KHDRBS3: variants seen among roughly 807,000 people sequenced by gnomAD.
KHDRBS3 encodes KH domain-containing, RNA-binding, signal transduction-associated protein 3.
Under a neutral mutation model 45.6 loss-of-function variants are expected in KHDRBS3, and 23 were observed. The observed-to-expected ratio is 0.50, with a 90% CI of 0.36 to 0.72. KHDRBS3 has a LOEUF of 0.72. Among genes scored for constraint, KHDRBS3 ranks in the 30% least tolerant of loss-of-function variants. The probability of loss-of-function intolerance (pLI) is 0.00; values close to 1 mark genes in which losing one functional copy is unlikely to be tolerated. For missense variants in KHDRBS3, 352 were observed against 424.8 expected (o/e 0.83, Z 1.51); for synonymous variants, 162 against 156.5 (o/e 1.04, Z -0.26).
chr8:135,649,854 C>T (rs528161385), downstream of KHDRBS3, among the ~76,000 whole-genome samples: 22 of 152,206 alleles, frequency 1.4e-4, no homozygotes, highest in African/African-American at 5.1e-4. Context: ...GCTTCCATAG[C>T]TTTATCAGAC....
chr8:135,499,255 A>G (rs1186061056), intron 1 of KHDRBS3, among the ~76,000 whole-genome samples: 1 of 152,126 alleles, frequency 6.6e-6, no homozygotes, highest in Non-Finnish European at 1.5e-5. Flanking sequence ...CATTGTTTGT[A>G]TTTGTTTTCT....
intron 5 of KHDRBS3, among the ~76,000 whole-genome samples, chr8:135,573,400 A>G (rs1827799462): frequency 6.6e-6 from 1 of 152,226 alleles, no homozygotes; most frequent in African/African-American, 2.4e-5. Context: ...TCCTTCCCTT[A>G]TCTTTCACTA....
At chr8:135,488,457 C>T (rs146364318) in intron 1 of KHDRBS3, among the ~76,000 whole-genome samples, 164 of 151,990 alleles carry the variant, frequency 1.1e-3, no homozygotes, top group African/African-American at 3.7e-3. Flanking sequence ...GTTTGCAGAC[C>T]GACTTCAGAT....
intron 5 of KHDRBS3, among the ~76,000 whole-genome samples, chr8:135,569,025 G>A (rs1033132978): frequency 6.6e-6 from 1 of 151,850 alleles, no homozygotes; most frequent in African/African-American, 2.4e-5. Context: ...AAACAATGGT[G>A]TCTTCTAAAT....
At chr8:135,608,091 A>G (rs1829547858) in intron 7 of KHDRBS3, among the ~76,000 whole-genome samples, 1 of 152,146 alleles carries the variant, frequency 6.6e-6, no homozygotes, top group Non-Finnish European at 1.5e-5. Flanking sequence ...TGAATGCTTG[A>G]TAAGACTTTG....
At chr8:135,460,986 A>G in intron 1 of KHDRBS3, among the ~76,000 whole-genome samples, 1 of 152,170 alleles carries the variant, frequency 6.6e-6, no homozygotes, top group East Asian at 1.9e-4. Flanking sequence ...ATTGGCTTTT[A>G]TATTTTTCCA....
chr8:135,537,066 C>T (rs1469195722), intron 2 of KHDRBS3, among the ~76,000 whole-genome samples: 2 of 150,740 alleles, frequency 1.3e-5, no homozygotes, highest in Admixed American at 6.6e-5. Flanking sequence ...TAAACGCCCT[C>T]TCTATTCATG....
At chr8:135,458,404 G>C (rs1398247690) in intron 1 of KHDRBS3, 3 of 219,554 alleles carry the variant, frequency 1.4e-5, no homozygotes, top group African/African-American at 7.0e-5. Flanking sequence ...ATGCAGAAGA[G>C]GTGAAGGGAA....
chr8:135,568,347 TA>T (rs1827530873), intron 5 of KHDRBS3, among the ~76,000 whole-genome samples: 1 of 152,138 alleles, frequency 6.6e-6, no homozygotes, highest in African/African-American at 2.4e-5. Context: ...AAAAAATAAC[TA>T]ATCAAGAACC....
chr8:135,583,590 G>T (rs1020750832), intron 6 of KHDRBS3, among the ~76,000 whole-genome samples: 4 of 152,190 alleles, frequency 2.6e-5, no homozygotes, highest in African/African-American at 7.2e-5. Context: ...CAGGCAGGTT[G>T]TGTGGGAAAC....
chr8:135,556,306 G>A (rs760611332), intron 4 of KHDRBS3, among the ~76,000 whole-genome samples: 6 of 152,136 alleles, frequency 3.9e-5, no homozygotes, highest in South Asian at 2.1e-4. Context: ...TTGAGGAAAC[G>A]CCACACTGTC....
chr8:135,587,685 A>G (rs925227595), intron 6 of KHDRBS3, among the ~76,000 whole-genome samples: 4 of 152,202 alleles, frequency 2.6e-5, no homozygotes, highest in Non-Finnish European at 4.4e-5. Context: ...CAATGAGAGC[A>G]CTTTAATAAT....
chr8:135,499,891 A>G (rs1823646278), intron 1 of KHDRBS3, among the ~76,000 whole-genome samples: 2 of 152,136 alleles, frequency 1.3e-5, no homozygotes, highest in East Asian at 1.9e-4. Context: ...CCCCCTTCTA[A>G]CCCCACAAAA....
intron 7 of KHDRBS3, among the ~76,000 whole-genome samples, chr8:135,624,030 G>C (rs780773161): frequency 5.3e-5 from 8 of 152,140 alleles, no homozygotes; most frequent in Non-Finnish European, 1.2e-4. Context: ...TTCTGCAAAA[G>C]AAAATTAACA....
At position 135,542,289 on chromosome 8, in the gene KHDRBS3, C is replaced by A. The variant is rs1826082163; in HGVS notation, c.208-365C>A. 1.7e-5 allele frequency: 3 copies of A among 180,176 alleles called. No homozygotes were observed. The South Asian group carries it at 3.8e-4, about 23-fold the overall frequency. 11.2% of individuals were successfully genotyped at this position (180,176 alleles called of 1,614,324 possible). A position where few individuals can be genotyped will look rare whatever the true frequency, so the allele number is the denominator to read the frequency against. On this transcript the variant is annotated intron_variant, in intron 2 of 8. Coordinates refer to ENST00000355849, the MANE Select transcript of KHDRBS3 (RefSeq NM_006558.3). The stretch of plus-strand genomic sequence containing the variant: ...ACCAGTCTAGTGCATGTTAGAGACA[C>A]CTGGTGTCATTTTTTCTCACCTACA...
chr8:135,586,286 C>G (rs192547188), intron 6 of KHDRBS3, among the ~76,000 whole-genome samples: 64 of 151,606 alleles, frequency 4.2e-4, no homozygotes, highest in Non-Finnish European at 7.2e-4. Context: ...AGTTCAAGGC[C>G]TATGTTCTGT....
chr8:135,560,532 C>A (rs1230735222), intron 5 of KHDRBS3, among the ~76,000 whole-genome samples: 1 of 152,010 alleles, frequency 6.6e-6, no homozygotes, highest in Non-Finnish European at 1.5e-5. Context: ...ACTAGATCTG[C>A]CATTTTTACT....
rs138872249 is a variant in KHDRBS3 at position 135,486,073 on chromosome 8, G to A, written c.88+28119G>A. On this transcript the variant is annotated intron_variant, in intron 1 of 8. Transcript: ENST00000355849. ...CCCAGTCAGCTTTCTGAGAGTGGCC[G>A]TATGCCCAGTCATGAGGCACTCCTG... 2.1e-3 allele frequency among the ~76,000 whole-genome samples: 326 copies of A among 151,978 alleles called. 1 individual carries two copies. The highest frequency in any genetic ancestry group is 3.7e-3 in the Non-Finnish European group (253 of 67,962).
chr8:135,625,373 A>T, intron 7 of KHDRBS3: 2 of 865,436 alleles, frequency 2.3e-6, no homozygotes, highest in East Asian at 4.8e-5. Flanking sequence ...TTCAACGGTA[A>T]GTTTCAATAC....
Sources: gnomAD v4.1 joint callset for allele counts (sites outside exome capture counted in the v4.1 genomes callset) on GRCh38, gnomAD v4.1.1 for gene constraint, MANE v1.5 for transcripts, NCBI Gene and HGNC (gene_info 2026-07-23, HGNC 2026-07-21) for gene names.